RANBP17: variants seen among roughly 807,000 people sequenced by gnomAD.
RANBP17 encodes the protein ran-binding protein 17.
RANBP17 carries 158 observed loss-of-function variants against 141.2 expected under a neutral mutation model. That is an observed-to-expected ratio of 1.12 (90% CI 0.98 to 1.28). The LOEUF (loss-of-function observed/expected upper bound fraction) is 1.28. Ranked by LOEUF, RANBP17 falls within the 50% of genes most tolerant of loss-of-function variation. RANBP17 has a pLI of 0.00. For synonymous variants in RANBP17, 430 were observed against 450.0 expected, an observed-to-expected ratio of 0.96 and a Z score of 0.56; for missense variants, 1,438 against 1,290.7, an observed-to-expected ratio of 1.11 and a Z score of -1.75.
Position 171,245,247 on chromosome 5 carries a change from T to G in RANBP17, c.2776+2427T>G, listed in dbSNP as rs181855682. ...ATGTTTTTTTCATTCTTAATATAACTTGTTATTTTTGAATGTGTGCCAGAC... is the reference window on the plus strand; with the variant it reads ...ATGTTTTTTTCATTCTTAATATAACGTGTTATTTTTGAATGTGTGCCAGAC... On this transcript the variant is annotated intron_variant, in intron 24 of 27. Coordinates refer to ENST00000523189, the MANE Select transcript of RANBP17 (RefSeq NM_022897.5). 6.1e-3 allele frequency among the ~76,000 whole-genome samples: 925 copies of G among 152,348 alleles called. 9 individuals carry two copies. The highest frequency in any genetic ancestry group is 0.02 in the African/African-American group (832 of 41,574).
chr5:171,183,405 C>T lies in RANBP17; in HGVS notation c.2013C>T (p.Leu671=). The change falls in exon 18 of 28, where the codon CTC becomes CTT. Residue 671 remains leucine (L), a synonymous_variant. Coordinates refer to ENST00000523189, the MANE Select transcript of RANBP17 (RefSeq NM_022897.5). Reference sequence around the variant, plus strand: ...GTCGAACAACCTTCTACACAGCGCTCACTCGCCTTCTGATGGTAGATCTGG... The same window carrying T: ...GTCGAACAACCTTCTACACAGCGCTTACTCGCCTTCTGATGGTAGATCTGG... ...FRCRTTFYTA[L]TRLLMVDLGE... The T allele has an allele frequency of 1.9e-6, 3 of 1,613,350 alleles. No homozygotes were observed. Among genetic ancestry groups the T allele is most frequent in the Non-Finnish European group, 1.7e-6 (2 of 1,179,306 alleles).
intron 16 of RANBP17, 76 bp downstream of exon 16, chr5:171,171,362 T>G (rs1760087946): frequency 2.4e-6 from 2 of 822,430 alleles, no homozygotes; most frequent in Non-Finnish European, 3.8e-6. Flanking sequence ...GGTATTCTCC[T>G]TGTTTATAAT....
At chr5:171,136,579 T>A (rs1757303385) in intron 14 of RANBP17, among the ~76,000 whole-genome samples, 1 of 152,144 alleles carries the variant, frequency 6.6e-6, no homozygotes, top group Non-Finnish European at 1.5e-5. Flanking sequence ...GAATCTTGTG[T>A]CTTTTCAGAC....
At chr5:170,918,403 T>TACACACACACACACAC (rs55900214) in intron 9 of RANBP17, 265 of 161,690 alleles carry the variant, frequency 1.6e-3, no homozygotes, top group African/African-American at 4.5e-3. Flanking sequence ...TAAACCACAG[T>TACACACACACACACAC]ACACACACAC....
chr5:170,869,514 C>T (rs868249958), intron 1 of RANBP17, among the ~76,000 whole-genome samples: 13 of 152,264 alleles, frequency 8.5e-5, no homozygotes, highest in South Asian at 6.2e-4. Context: ...GGTTTGGTCC[C>T]TTCTGGAGGC....
At chr5:170,983,592 A>G (rs1025351900) in intron 14 of RANBP17, among the ~76,000 whole-genome samples, 1 of 152,198 alleles carries the variant, frequency 6.6e-6, no homozygotes, top group Non-Finnish European at 1.5e-5. Context: ...AGTAAAAGAA[A>G]TAGCCGAAAG....
At chr5:171,131,552 G>A (rs1756922220) in intron 14 of RANBP17, among the ~76,000 whole-genome samples, 1 of 152,212 alleles carries the variant, frequency 6.6e-6, no homozygotes, top group African/African-American at 2.4e-5. Context: ...TGTCTACAGT[G>A]CAAGTGTAAA....
chr5:170,887,311 ATTCT>A (rs1352860621), intron 3 of RANBP17, among the ~76,000 whole-genome samples: 3 of 152,130 alleles, frequency 2.0e-5, no homozygotes, highest in African/African-American at 7.2e-5. Flanking sequence ...TACCTTATTC[ATTCT>A]TTCTTTCGTG....
chr5:171,250,136 A>G (rs1373760454), intron 24 of RANBP17, among the ~76,000 whole-genome samples: 1 of 152,230 alleles, frequency 6.6e-6, no homozygotes, highest in Non-Finnish European at 1.5e-5. Flanking sequence ...AAACTGGCCA[A>G]GAATACTACA....
intron 14 of RANBP17, among the ~76,000 whole-genome samples, chr5:171,155,095 AT>A (rs1360549880): frequency 0.043 from 1,409 of 32,512 alleles, 22 homozygotes; most frequent in African/African-American, 0.085. Context: ...AAAAAAAAAA[AT>A]ATATATATAT....
intron 1 of RANBP17, among the ~76,000 whole-genome samples, chr5:170,872,674 G>A (rs745552816): frequency 1.2e-4 from 18 of 152,248 alleles, no homozygotes; most frequent in Middle Eastern, 6.8e-3. Context: ...ATTATTTTAA[G>A]ATATATTCCA....
At chr5:171,044,216 G>A (rs540128966) in intron 14 of RANBP17, among the ~76,000 whole-genome samples, 4 of 151,778 alleles carry the variant, frequency 2.6e-5, no homozygotes, top group African/African-American at 4.8e-5. Context: ...TAATGCCCCC[G>A]GTGAAATCTG....
At chr5:170,923,761 G>A (rs891390293) in intron 11 of RANBP17, among the ~76,000 whole-genome samples, 1 of 151,980 alleles carries the variant, frequency 6.6e-6, no homozygotes, top group African/African-American at 2.4e-5. Flanking sequence ...GCCTTTGTAT[G>A]ATACTGTTTT....
chr5:170,943,094 C>T (rs927080176), intron 12 of RANBP17, among the ~76,000 whole-genome samples: 2 of 151,926 alleles, frequency 1.3e-5, no homozygotes, highest in African/African-American at 4.8e-5. Context: ...ATCTGTCTGC[C>T]CTTTTAGAGA....
At chr5:171,153,568 A>G (rs968112041) in intron 14 of RANBP17, among the ~76,000 whole-genome samples, 11 of 152,218 alleles carry the variant, frequency 7.2e-5, no homozygotes, top group Non-Finnish European at 1.2e-4. Context: ...ACATATTGGA[A>G]GATAACTGAT....
chr5:171,008,175 C>A lies in RANBP17; in HGVS notation c.1710+39798C>A, dbSNP rs1307008609. Reference sequence around the variant, plus strand: ...TTGGGTACACAGATAAAATGTGTCTCCTTTGTCTGTACTAGAGAGGGAAAA... The same window carrying A: ...TTGGGTACACAGATAAAATGTGTCTACTTTGTCTGTACTAGAGAGGGAAAA... On this transcript the variant is annotated intron_variant, in intron 14 of 27. Transcript: ENST00000523189. Among the ~76,000 whole-genome samples the A allele has an allele frequency of 2.0e-5, 3 of 152,284 alleles. No homozygotes were observed. In the East Asian group the frequency reaches 5.8e-4, roughly 29 times the overall value.
At chr5:171,177,211 T>A (rs1169908082) in intron 16 of RANBP17, among the ~76,000 whole-genome samples, 2 of 152,178 alleles carry the variant, frequency 1.3e-5, no homozygotes, top group African/African-American at 4.8e-5. Flanking sequence ...ATTTATCTCC[T>A]CTGTTTGTTT....
At chr5:171,271,091 T>C (rs1449880263) in intron 25 of RANBP17, 5 of 117,104 alleles carry the variant, frequency 4.3e-5, no homozygotes, top group African/African-American at 1.5e-4. Flanking sequence ...TTTTTTTTTT[T>C]TTTTTTTTTT....
intron 14 of RANBP17, among the ~76,000 whole-genome samples, chr5:171,095,881 T>A (rs1274321293): frequency 1.3e-5 from 2 of 152,064 alleles, no homozygotes; most frequent in African/African-American, 4.8e-5. Context: ...TAACACACAT[T>A]TTAGTGTTGT....
Sources: allele counts gnomAD v4.1 joint callset (sites outside exome capture counted in the v4.1 genomes callset), GRCh38; gene constraint gnomAD v4.1.1; transcripts MANE v1.5; gene names NCBI Gene and HGNC (gene_info 2026-07-23, HGNC 2026-07-21).